Variants in CHRM5 observed in about 807,000 individuals in gnomAD.
CHRM5 encodes muscarinic acetylcholine receptor M5.
Under a neutral mutation model 39.0 loss-of-function variants are expected in CHRM5, and 18 were observed. The ratio of observed to expected loss-of-function variants is 0.46; its 90% confidence interval spans 0.32 to 0.68. CHRM5 has a LOEUF of 0.68. CHRM5 is among the 30% of genes least tolerant of loss of function. The pLI, the probability that CHRM5 is intolerant of heterozygous loss-of-function variation, is 0.04. For synonymous variants in CHRM5, 241 were observed against 246.3 expected (o/e 0.98, Z 0.20); for missense variants, 515 against 651.1 (o/e 0.79, Z 2.28).
At chr15:34,059,034 T>C (rs1175548499) in intron 2 of CHRM5, among the ~76,000 whole-genome samples, 6 of 152,104 alleles carry the variant, frequency 3.9e-5, no homozygotes. Context: ...GTAGCTAAGA[T>C]TACAGGCACA....
At chr15:34,024,585 G>A (rs1433459131) in intron 1 of CHRM5, among the ~76,000 whole-genome samples, 2 of 151,930 alleles carry the variant, frequency 1.3e-5, no homozygotes, top group East Asian at 3.9e-4. Context: ...AGGCACAGTG[G>A]CTCACATCTG....
intron 1 of CHRM5, among the ~76,000 whole-genome samples, chr15:33,989,957 A>AAAG (rs1896647143): frequency 2.0e-5 from 3 of 151,474 alleles, no homozygotes; most frequent in African/African-American, 7.3e-5. Flanking sequence ...TAATCCCAGC[A>AAAG]CTTTGGGAGG....
chr15:34,006,622 C>T (rs1307656475), intron 1 of CHRM5, among the ~76,000 whole-genome samples: 1 of 152,090 alleles, frequency 6.6e-6, no homozygotes, highest in African/African-American at 2.4e-5. Flanking sequence ...AGACCTAAAC[C>T]GAATTAATGG....
At chr15:34,027,733 G>GCAAA (rs1306746465) in intron 1 of CHRM5, among the ~76,000 whole-genome samples, 1 of 150,792 alleles carries the variant, frequency 6.6e-6, no homozygotes, top group Non-Finnish European at 1.5e-5. Flanking sequence ...TTCACTCTGT[G>GCAAA]CAAACAGTCC....
intron 2 of CHRM5, among the ~76,000 whole-genome samples, chr15:34,051,174 A>G (rs1899914115): frequency 6.6e-6 from 1 of 152,250 alleles, no homozygotes; most frequent in Non-Finnish European, 1.5e-5. Flanking sequence ...ATCAAATTAG[A>G]ACTCAAGATT....
intron 1 of CHRM5, among the ~76,000 whole-genome samples, chr15:34,024,574 C>CA (rs1382419274): frequency 1.3e-5 from 2 of 151,700 alleles, no homozygotes; most frequent in Non-Finnish European, 2.9e-5. Flanking sequence ...AAAGGAAGGC[C>CA]AGGCACAGTG....
chr15:34,017,494 T>TG (rs1897978757), intron 1 of CHRM5, among the ~76,000 whole-genome samples: 9 of 102,938 alleles, frequency 8.7e-5, no homozygotes, highest in East Asian at 4.6e-4. Context: ...GTTTTTTTTT[T>TG]TTTTTTGAGA....
At chr15:33,972,162 G>A (rs904324451) in intron 1 of CHRM5, 2 of 152,096 alleles carry the variant, frequency 1.3e-5, no homozygotes, top group African/African-American at 4.8e-5. Context: ...AAAAGCGGGA[G>A]TAAACATCAT....
chr15:34,054,601 A>T (rs1900057591), intron 2 of CHRM5, among the ~76,000 whole-genome samples: 1 of 152,218 alleles, frequency 6.6e-6, no homozygotes, highest in Non-Finnish European at 1.5e-5. Context: ...TAAACACCGC[A>T]TGTTCTCACT....
At position 34,067,091 on chromosome 15, in the gene CHRM5, C is replaced by T; in HGVS notation, c.*2775C>T. ...ATGCCCCCAGTCTTCCAGGCTTTGT[C>T]TATAGTAAACCATGTATGACTTTGG... On this transcript the variant is annotated 3_prime_UTR_variant, in exon 3 of 3. Coordinates refer to ENST00000383263, the MANE Select transcript of CHRM5 (RefSeq NM_012125.4). The T allele has an allele frequency of 6.6e-6, 1 of 152,160 alleles. No individual in the cohort carries two copies. Among genetic ancestry groups the T allele is most frequent in the East Asian group, 1.9e-4 (1 of 5,174 alleles). 9.4% of individuals were successfully genotyped at this position (152,160 alleles called of 1,614,324 possible).
intron 1 of CHRM5, among the ~76,000 whole-genome samples, chr15:33,983,179 C>T (rs11637882): frequency 9.0e-6 from 1 of 110,604 alleles, no homozygotes; most frequent in South Asian, 3.6e-4. Flanking sequence ...TGTATATATA[C>T]ACACGTGTGT....
At chr15:34,038,675 T>G (rs1899286713) in intron 1 of CHRM5, 23 of 992,032 alleles carry the variant, frequency 2.3e-5, no homozygotes, top group Admixed American at 5.3e-5. Flanking sequence ...CCGCCGCCCG[T>G]CTGGCGCGCG....
chr15:33,979,082 T>C (rs921930942), intron 1 of CHRM5, among the ~76,000 whole-genome samples: 1 of 152,226 alleles, frequency 6.6e-6, no homozygotes, highest in Non-Finnish European at 1.5e-5. Context: ...TTAAGTCTAC[T>C]CTAATAAAGA....
intron 1 of CHRM5, among the ~76,000 whole-genome samples, chr15:33,988,747 C>T (rs1350552515): frequency 1.3e-5 from 2 of 152,192 alleles, no homozygotes; most frequent in Non-Finnish European, 2.9e-5. Context: ...AACAGAATTA[C>T]AGGGTTGAAA....
chr15:33,981,053 T>C (rs1169453391), intron 1 of CHRM5, among the ~76,000 whole-genome samples: 2 of 150,516 alleles, frequency 1.3e-5, no homozygotes, highest in Admixed American at 6.7e-5. Flanking sequence ...TGAGTTTTTA[T>C]ATAAACATAC....
At chr15:34,055,440 G>T (rs1235516268) in intron 2 of CHRM5, among the ~76,000 whole-genome samples, 1 of 152,010 alleles carries the variant, frequency 6.6e-6, no homozygotes, top group Non-Finnish European at 1.5e-5. Flanking sequence ...GGGAGGAAGA[G>T]GTTACAGTGA....
chr15:34,031,227 T>C (rs749877847), intron 1 of CHRM5, among the ~76,000 whole-genome samples: 14 of 127,274 alleles, frequency 1.1e-4, no homozygotes, highest in Middle Eastern at 5.6e-3. Flanking sequence ...CAGGCTGGAA[T>C]GCAATGGCGC....
intron 2 of CHRM5, among the ~76,000 whole-genome samples, chr15:34,047,267 C>T (rs1322471964): frequency 6.6e-6 from 1 of 152,042 alleles, no homozygotes; most frequent in East Asian, 1.9e-4. Flanking sequence ...TTAGTAGAGA[C>T]GGGGTTTCAC....
At chr15:34,030,288 A>G (rs903340805) in intron 1 of CHRM5, among the ~76,000 whole-genome samples, 1 of 152,160 alleles carries the variant, frequency 6.6e-6, no homozygotes, top group Non-Finnish European at 1.5e-5. Flanking sequence ...CAAATCCACT[A>G]TGTCAATAAA....
Sources: gnomAD v4.1 joint callset for allele counts (sites outside exome capture counted in the v4.1 genomes callset) on GRCh38, gnomAD v4.1.1 for gene constraint, MANE v1.5 for transcripts, NCBI Gene and HGNC (gene_info 2026-07-23, HGNC 2026-07-21) for gene names.